Variants in KCNT1 observed in about 807,000 individuals in gnomAD.
KCNT1 encodes potassium sodium-activated channel subfamily T member 1.
A neutral mutation model predicts 147.8 loss-of-function variants in KCNT1; 78 were observed. The observed-to-expected ratio is 0.53, with a 90% confidence interval of 0.44 to 0.64. The LOEUF (loss-of-function observed/expected upper bound fraction) is 0.64, where lower values mean the gene tolerates loss of function less well. KCNT1 is among the 30% of genes least tolerant of loss of function. The probability of loss-of-function intolerance (pLI) is 0.00; values close to 1 mark genes in which losing one functional copy is unlikely to be tolerated. For synonymous variants in KCNT1, 867 were observed against 748.8 expected, an observed-to-expected ratio of 1.16 and a Z score of -2.58; for missense variants, 1,419 against 1,750.3, an observed-to-expected ratio of 0.81 and a Z score of 3.38.
intron 11 of KCNT1, among the ~76,000 whole-genome samples, chr9:135,762,760 TAAAAC>T (rs926001873): frequency 4.6e-5 from 7 of 152,020 alleles, no homozygotes; most frequent in African/African-American, 1.2e-4. Context: ...AACACCATCT[TAAAAC>T]AAACAAGACA....
chr9:135,736,992 T>G, intron 2 of KCNT1: 1 of 283,564 alleles, frequency 3.5e-6, no homozygotes, highest in Non-Finnish European at 6.6e-6. Flanking sequence ...TCCCCCCACG[T>G]AGGGGCTGAA....
rs1001686870 is a variant in KCNT1, at chr9:135,755,922, G to T, written c.540+753G>T. 6.2e-5 allele frequency among the ~76,000 whole-genome samples: 9 copies of T among 145,306 alleles called. No homozygotes were observed. In the South Asian group the frequency reaches 2.0e-3, roughly 32 times the overall value. Reference sequence around the variant, plus strand: ...GGGACCCAGGCTCAGTGAATGCCAAGGACAAAGCCAGGCTCAGTAAAACAG... The same window carrying T: ...GGGACCCAGGCTCAGTGAATGCCAATGACAAAGCCAGGCTCAGTAAAACAG... On this transcript the variant is annotated intron_variant, in intron 6 of 30. Transcript: ENST00000371757.
At chr9:135,761,894 C>T (rs1372331754) in intron 11 of KCNT1, among the ~76,000 whole-genome samples, 1 of 152,244 alleles carries the variant, frequency 6.6e-6, no homozygotes, top group East Asian at 1.9e-4. Flanking sequence ...CTCCTCTCCC[C>T]ACCCCACACA....
At chr9:135,769,326 T>C (rs1451486487) in intron 15 of KCNT1, among the ~76,000 whole-genome samples, 50 of 138,692 alleles carry the variant, frequency 3.6e-4, no homozygotes, top group African/African-American at 5.5e-4. Flanking sequence ...GGTGACGGTG[T>C]GTCTGGGGCA....
At chr9:135,715,353 T>G (rs1407940560) in intron 2 of KCNT1, among the ~76,000 whole-genome samples, 1 of 152,244 alleles carries the variant, frequency 6.6e-6, no homozygotes, top group East Asian at 1.9e-4. Flanking sequence ...CTCTCCTCCT[T>G]TTCCCCAAAT....
At chr9:135,744,574 G>A (rs1830717856) in intron 2 of KCNT1, among the ~76,000 whole-genome samples, 1 of 152,254 alleles carries the variant, frequency 6.6e-6, no homozygotes, top group African/African-American at 2.4e-5. Flanking sequence ...TGAGTGACTG[G>A]GGCAAGCGTG....
At chr9:135,791,476 CGCTGGTGTGT>C (rs1834522632) in intron 29 of KCNT1, 16 of 350,058 alleles carry the variant, frequency 4.6e-5, no homozygotes, top group South Asian at 2.8e-4. Flanking sequence ...GGCAGGTGTG[CGCTGGTGTGT>C]GCAGGTGTGC....
chr9:135,762,414 T>C (rs1229893592), intron 11 of KCNT1, among the ~76,000 whole-genome samples: 4 of 151,706 alleles, frequency 2.6e-5, no homozygotes, highest in Non-Finnish European at 5.9e-5. Flanking sequence ...CATCGCACTC[T>C]AGCCTATGCA....
At chr9:135,722,674 C>T (rs1052322552) in intron 2 of KCNT1, among the ~76,000 whole-genome samples, 2 of 152,236 alleles carry the variant, frequency 1.3e-5, no homozygotes, top group African/African-American at 4.8e-5. Context: ...CGCCGGCGGA[C>T]CAGGCTCCTG....
chr9:135,790,234 C>G (rs1834390693), intron 29 of KCNT1: 1 of 152,208 alleles, frequency 6.6e-6, no homozygotes, highest in Non-Finnish European at 1.5e-5. Context: ...TAGAGCTGCC[C>G]TCACCACCCA....
At position 135,745,821 on chromosome 9, in the gene KCNT1, G is replaced by T. The variant is rs112985598; in HGVS notation, c.255-4277G>T. ...CAGGGCTCACTGGGTCTCAGCCCTG[G>T]GCCTCTGGCTGCCGGGCCGGGAGCA... On this transcript the variant is annotated intron_variant, in intron 2 of 30. Transcript: ENST00000371757. Among the ~76,000 whole-genome samples, 720 of 152,314 alleles carry T rather than the reference G, an allele frequency of 4.7e-3. 2 individuals carry two copies. The highest frequency in any genetic ancestry group is 7.7e-3 in the Non-Finnish European group (523 of 68,022).
chr9:135,789,319 C>G (rs1834323276), intron 29 of KCNT1: 1 of 152,238 alleles, frequency 6.6e-6, no homozygotes, highest in African/African-American at 2.4e-5. Flanking sequence ...TGCCGGGGTT[C>G]TGGGGCTGGG....
At chr9:135,713,981 G>T (rs867345922) in intron 1 of KCNT1, among the ~76,000 whole-genome samples, 21 of 152,130 alleles carry the variant, frequency 1.4e-4, no homozygotes, top group African/African-American at 5.1e-4. Context: ...CAGCCCCCCG[G>T]GGTTCTGACC....
chr9:135,753,833 T>G, intron 4 of KCNT1, 104 bp from the exon 5 acceptor site: 1 of 1,200,312 alleles, frequency 8.3e-7, no homozygotes. Flanking sequence ...GGTGGGTGAG[T>G]AGGAGGCCCC....
intron 29 of KCNT1, 107 bp from the exon 30 acceptor site, chr9:135,791,683 CAGGAAGG>C: frequency 1.1e-6 from 1 of 892,338 alleles, no homozygotes; most frequent in Non-Finnish European, 1.8e-6. Context: ...GCAGAATGGT[CAGGAAGG>C]CCGGAAAGAC....
chr9:135,722,285 G>A (rs575656874), intron 2 of KCNT1, among the ~76,000 whole-genome samples: 15 of 152,244 alleles, frequency 9.9e-5, no homozygotes, highest in African/African-American at 3.1e-4. Context: ...TGCATCCCCC[G>A]TCCCACCCCT....
intron 1 of KCNT1, among the ~76,000 whole-genome samples, chr9:135,708,218 G>A (rs547174114): frequency 2.0e-5 from 3 of 152,214 alleles, no homozygotes; most frequent in African/African-American, 4.8e-5. Flanking sequence ...ACAGATCCAT[G>A]TGCATGCACA....
intron 13 of KCNT1, among the ~76,000 whole-genome samples, chr9:135,767,155 C>G (rs549613622): frequency 1.3e-4 from 20 of 152,302 alleles, no homozygotes; most frequent in Admixed American, 3.9e-4. Context: ...ATCACTCCCC[C>G]TCCCCCTGCC....
In KCNT1 at chr9:135,752,525, T is replaced by A; in HGVS notation, c.435-1412T>A. 2.3e-6 allele frequency: 1 copy of A among 441,728 alleles called. No individual in the cohort carries two copies. 27.4% of individuals were successfully genotyped at this position (441,728 alleles called of 1,614,324 possible). On this transcript the variant is annotated intron_variant, in intron 4 of 30. Coordinates refer to ENST00000371757, the MANE Select transcript of KCNT1 (RefSeq NM_020822.3). This position sits in a 1 kb window ranked among gnomAD's most constrained non-coding sequence, Gnocchi z 5.1. The stretch of plus-strand genomic sequence containing the variant: ...GTTTCACATCCCCACAGGGCCCAAG[T>A]CTGTTGTGTTCACTGCCCGTCCCCT...
Sources: gnomAD v4.1 joint callset for allele counts (sites outside exome capture counted in the v4.1 genomes callset) on GRCh38, gnomAD v4.1.1 for gene constraint, Gnocchi (gnomAD v3.1) non-coding constraint, MANE v1.5 for transcripts, NCBI Gene and HGNC (gene_info 2026-07-23, HGNC 2026-07-21) for gene names.